SH2D4A: variants seen among roughly 807,000 people sequenced by gnomAD.
The protein encoded by SH2D4A is SH2 domain containing 4A.
A neutral mutation model predicts 64.7 loss-of-function variants in SH2D4A; 70 were observed. That is an observed-to-expected ratio of 1.08 (90% CI 0.89 to 1.32). SH2D4A has a LOEUF of 1.32. Among genes scored for constraint, SH2D4A ranks in the 40% most tolerant of loss-of-function variants. The probability of loss-of-function intolerance (pLI) is 0.00; values close to 1 mark genes in which losing one functional copy is unlikely to be tolerated. For missense variants in SH2D4A, 706 were observed against 540.1 expected (o/e 1.31, Z -3.04); for synonymous variants, 268 against 200.7 (o/e 1.34, Z -2.83).
intron 7 of SH2D4A, among the ~76,000 whole-genome samples, chr8:19,364,597 C>G (rs537830585): frequency 3.9e-5 from 6 of 152,028 alleles, no homozygotes; most frequent in African/African-American, 4.8e-5. Context: ...CCCCCTCCCC[C>G]CCAGAGGCAG....
chr8:19,332,030 C>T (rs2052370986), intron 2 of SH2D4A, among the ~76,000 whole-genome samples: 1 of 152,082 alleles, frequency 6.6e-6, no homozygotes. Flanking sequence ...TAATGCATGC[C>T]TGCATTCCTA....
At chr8:19,383,268 A>G (rs2053329534) in intron 8 of SH2D4A, among the ~76,000 whole-genome samples, 1 of 152,072 alleles carries the variant, frequency 6.6e-6, no homozygotes, top group Non-Finnish European at 1.5e-5. Context: ...CCTCAAACTC[A>G]GTAACATCCA....
At chr8:19,392,837 G>C (rs2053515392) in intron 8 of SH2D4A, among the ~76,000 whole-genome samples, 1 of 152,000 alleles carries the variant, frequency 6.6e-6, no homozygotes, top group African/African-American at 2.4e-5. Context: ...CGTTTCCTGG[G>C]TTCACACCAT....
At chr8:19,364,610 G>T (rs990086652) in intron 7 of SH2D4A, among the ~76,000 whole-genome samples, 1 of 144,546 alleles carries the variant, frequency 6.9e-6, no homozygotes, top group East Asian at 2.3e-4. Context: ...AGAGGCAGCC[G>T]GTGAGCCAGT....
chr8:19,332,552 G>C (rs185000672), intron 2 of SH2D4A, among the ~76,000 whole-genome samples: 1 of 152,096 alleles, frequency 6.6e-6, no homozygotes, highest in Admixed American at 6.5e-5. Context: ...ACAAAAATTA[G>C]CTGGGCATGG....
chr8:19,366,407 C>G (rs1262029419), intron 7 of SH2D4A, among the ~76,000 whole-genome samples: 1 of 152,142 alleles, frequency 6.6e-6, no homozygotes, highest in Non-Finnish European at 1.5e-5. Context: ...CTTATTTCTG[C>G]TGTCTCACTG....
rs757737384 is a variant in SH2D4A, at chr8:19,333,089, G to C, written c.316G>C (p.Ala106Pro). ...TATTGCTGAGAGGGCCCGGCTGAAA[G>C]CAGAACAGGAGGCAGAAGAGCCCAG... ...EIIAERARLK[A>P]EQEAEEPRKT... The change falls in exon 3 of 10, where the codon GCA (alanine) becomes CCA (proline). Residue 106 changes from alanine (A) to proline (P), a missense_variant. Transcript: ENST00000265807. 6.2e-7 allele frequency: 1 copy of C among 1,613,660 alleles called. No individual in the cohort carries two copies. Among genetic ancestry groups the C allele is most frequent in the East Asian group, 2.2e-5 (1 of 44,876 alleles).
intron 4 of SH2D4A, among the ~76,000 whole-genome samples, chr8:19,347,659 A>T (rs2052633956): frequency 6.6e-6 from 1 of 152,200 alleles, no homozygotes; most frequent in African/African-American, 2.4e-5. Context: ...ATCTCCAGAG[A>T]ATTCTTCATT....
At chr8:19,379,971 A>G (rs911547709) in intron 8 of SH2D4A, among the ~76,000 whole-genome samples, 22 of 152,102 alleles carry the variant, frequency 1.4e-4, no homozygotes, top group African/African-American at 5.3e-4. Flanking sequence ...CCTGGCCTCA[A>G]GCATTCCTCC....
At chr8:19,380,584 C>A (rs757889278) in intron 8 of SH2D4A, among the ~76,000 whole-genome samples, 1 of 152,178 alleles carries the variant, frequency 6.6e-6, no homozygotes, top group Non-Finnish European at 1.5e-5. Flanking sequence ...TTCATTCTTT[C>A]ACATGCGGTT....
At chr8:19,376,839 T>C (rs1453424081) in intron 8 of SH2D4A, among the ~76,000 whole-genome samples, 1 of 152,086 alleles carries the variant, frequency 6.6e-6, no homozygotes, top group Non-Finnish European at 1.5e-5. Flanking sequence ...TGAAGCTAGA[T>C]TTAAGTTCTC....
intron 7 of SH2D4A, among the ~76,000 whole-genome samples, chr8:19,367,758 C>T (rs774713559): frequency 9.9e-5 from 15 of 151,858 alleles, no homozygotes; most frequent in Non-Finnish European, 1.8e-4. Context: ...TCTTCGGTTG[C>T]CTGTGCTTTT....
At chr8:19,384,148 C>G (rs1301858341) in intron 8 of SH2D4A, among the ~76,000 whole-genome samples, 2 of 152,112 alleles carry the variant, frequency 1.3e-5, no homozygotes, top group Non-Finnish European at 2.9e-5. Flanking sequence ...GTTATTTCTA[C>G]AAGTGTTTAT....
rs777638307 is a variant in SH2D4A at position 19,330,063 on chromosome 8, AC to A, written c.182-2891del. Reference sequence around the variant, plus strand: ...CTAGGTTACTTGCAGGGGAATGGGCACATCTCTTTCATCCCTTTCATTCCTG... The same window carrying A: ...CTAGGTTACTTGCAGGGGAATGGGCAATCTCTTTCATCCCTTTCATTCCTG... On this transcript the variant is annotated intron_variant, in intron 2 of 9. Coordinates refer to ENST00000265807, the MANE Select transcript of SH2D4A (RefSeq NM_022071.4). Among the ~76,000 whole-genome samples the A allele has an allele frequency of 3.0e-4, 46 of 152,292 alleles. 1 individual carries two copies. The highest frequency in any genetic ancestry group is 5.3e-4 in the Non-Finnish European group (36 of 68,010).
intron 1 of SH2D4A, among the ~76,000 whole-genome samples, chr8:19,317,284 A>G (rs953518228): frequency 6.6e-6 from 1 of 150,456 alleles, no homozygotes; most frequent in Non-Finnish European, 1.5e-5. Context: ...AAAAGTCAAG[A>G]AATCTTGACA....
chr8:19,343,960 G>T (rs1406569266), intron 4 of SH2D4A, among the ~76,000 whole-genome samples: 2 of 152,162 alleles, frequency 1.3e-5, no homozygotes, highest in Non-Finnish European at 2.9e-5. Flanking sequence ...CCTGGCCGGC[G>T]AAATGTCAGT....
chr8:19,350,850 G>A (rs994672392), intron 4 of SH2D4A, among the ~76,000 whole-genome samples: 4 of 152,094 alleles, frequency 2.6e-5, no homozygotes, highest in South Asian at 2.1e-4. Flanking sequence ...CTTTCAAGTC[G>A]GGGTATTCAG....
chr8:19,380,703 G>C (rs2053278929), intron 8 of SH2D4A, among the ~76,000 whole-genome samples: 1 of 152,152 alleles, frequency 6.6e-6, no homozygotes, highest in Admixed American at 6.6e-5. Flanking sequence ...TTTTATTTCT[G>C]AGTTTTTTAT....
In SH2D4A at chr8:19,334,821, G is replaced by C. The variant is rs56005620; in HGVS notation, c.477G>C (p.Ser159=). Reference sequence around the variant, plus strand: ...AAAAGGAGGAACTGGAGCAAGGATCGAGGCCAGCACCAACCCTGGAAGAAG... The same window carrying C: ...AAAAGGAGGAACTGGAGCAAGGATCCAGGCCAGCACCAACCCTGGAAGAAG... ...VAEKEELEQG[S]RPAPTLEEEK... is the part of the protein sequence containing the mutation. The change falls in exon 4 of 10, where the codon TCG becomes TCC. Residue 159 remains serine, a synonymous_variant. Coordinates refer to ENST00000265807, the MANE Select transcript of SH2D4A (RefSeq NM_022071.4). 9 of 1,613,326 alleles carry C rather than the reference G, an allele frequency of 5.6e-6. No individual in the cohort carries two copies. The South Asian group carries it at 8.8e-5, about 16-fold the overall frequency.
Sources: gnomAD v4.1 joint callset for allele counts (sites outside exome capture counted in the v4.1 genomes callset) on GRCh38, gnomAD v4.1.1 for gene constraint, MANE v1.5 for transcripts, NCBI Gene and HGNC (gene_info 2026-07-23, HGNC 2026-07-21) for gene names.